Variants in DCAF10 observed in about 807,000 individuals in gnomAD.
DCAF10 encodes the protein DDB1 and CUL4 associated factor 10, also known as DDB1- and CUL4-associated factor 10.
A neutral mutation model predicts 51.9 loss-of-function variants in DCAF10; 19 were observed. That is an observed-to-expected ratio of 0.37 (90% CI 0.26 to 0.54). The LOEUF (loss-of-function observed/expected upper bound fraction) is 0.54. Among genes scored for constraint, DCAF10 ranks in the 20% least tolerant of loss-of-function variants. The probability of loss-of-function intolerance (pLI) is 0.87; values close to 1 mark genes in which losing one functional copy is unlikely to be tolerated. For missense variants in DCAF10, 510 were observed against 730.6 expected (o/e 0.70, Z 3.48); for synonymous variants, 291 against 297.1 (o/e 0.98, Z 0.21).
intron 3 of DCAF10, among the ~76,000 whole-genome samples, chr9:37,853,197 A>G (rs1421830361): frequency 6.7e-6 from 1 of 150,346 alleles, no homozygotes; most frequent in African/African-American, 2.4e-5. Flanking sequence ...AAGCGAGAGC[A>G]TTTACCTCAA....
intron 1 of DCAF10, among the ~76,000 whole-genome samples, chr9:37,814,945 A>G (rs1167318484): frequency 6.6e-6 from 1 of 152,224 alleles, no homozygotes; most frequent in African/African-American, 2.4e-5. Flanking sequence ...GCTGAAGAAT[A>G]AAGATAGAAA....
intron 3 of DCAF10, among the ~76,000 whole-genome samples, chr9:37,853,025 T>C (rs964578195): frequency 1.7e-4 from 25 of 148,138 alleles, no homozygotes; most frequent in Non-Finnish European, 3.0e-4. Context: ...ATGTACACCA[T>C]TAAAAAATTT....
At chr9:37,813,000 T>C (rs956648223) in intron 1 of DCAF10, among the ~76,000 whole-genome samples, 2 of 152,178 alleles carry the variant, frequency 1.3e-5, no homozygotes, top group African/African-American at 4.8e-5. Context: ...TACTTCACTT[T>C]AAAAAGTTGA....
Position 37,861,154 on chromosome 9 carries a change from T to C in DCAF10, c.1326T>C (p.Tyr442=), listed in dbSNP as rs1831003247. The C allele has an allele frequency of 6.2e-7, 1 of 1,601,834 alleles. No individual in the cohort carries two copies. Among genetic ancestry groups the C allele is most frequent in the Non-Finnish European group, 8.5e-7 (1 of 1,169,618 alleles). ...NSDDEECTCV[Y]EFQEGAPVRP... is the part of the protein sequence containing the mutation. ...TCTCCCCCTAGTGTACTTGTGTCTATGAATTCCAAGAAGGAGCTCCAGTGC... is the reference window on the plus strand; with the variant it reads ...TCTCCCCCTAGTGTACTTGTGTCTACGAATTCCAAGAAGGAGCTCCAGTGC... Residue 442 remains tyrosine (Y), a synonymous_variant, in exon 7 of 7, where the codon TAT becomes TAC. Coordinates refer to ENST00000377724, the MANE Select transcript of DCAF10 (RefSeq NM_024345.5). This position sits in a 1 kb window ranked among gnomAD's most constrained non-coding sequence, Gnocchi z 4.9.
At chr9:37,824,554 TA>T (rs376501048) in intron 2 of DCAF10, among the ~76,000 whole-genome samples, 19,322 of 139,980 alleles carry the variant, frequency 0.14, 1,390 homozygotes, top group Non-Finnish European at 0.17. Flanking sequence ...TTTAAAAAAG[TA>T]AAAAAAAAAA....
chr9:37,839,970 G>A (rs1173556321), intron 2 of DCAF10, among the ~76,000 whole-genome samples: 3 of 152,120 alleles, frequency 2.0e-5, no homozygotes, highest in Non-Finnish European at 2.9e-5. Flanking sequence ...TGTCTTCAGG[G>A]AGTTTACAGT....
In DCAF10 at chr9:37,812,792, G is replaced by T. The variant is rs183696867; in HGVS notation, c.540-6496G>T. Reference sequence around the variant, plus strand: ...GGGACCACAGGCACACGCCAGCATGGCTGGCTAATTTTTTTATTTTTTGTA... The same window carrying T: ...GGGACCACAGGCACACGCCAGCATGTCTGGCTAATTTTTTTATTTTTTGTA... On this transcript the variant is annotated intron_variant, in intron 1 of 6. Transcript: ENST00000377724. Among the ~76,000 whole-genome samples the T allele has an allele frequency of 5.4e-3, 824 of 152,110 alleles. 7 individuals carry two copies. Among genetic ancestry groups the T allele is most frequent in the South Asian group, 0.024 (114 of 4,824 alleles).
Position 37,861,534 on chromosome 9 carries a change from T to G in DCAF10, c.*26T>G, listed in dbSNP as rs756147984. The stretch of plus-strand genomic sequence containing the variant: ...GCACAACTTACATCAAATAAGGAAC[T>G]CTTCTGGTGTTTGACTTAGGAATTG... On this transcript the variant is annotated 3_prime_UTR_variant, in exon 7 of 7. Coordinates refer to ENST00000377724, the MANE Select transcript of DCAF10 (RefSeq NM_024345.5). The surrounding 1 kb of genome is among the most constrained non-coding windows in gnomAD (Gnocchi z 4.9). 6 of 1,573,532 alleles carry G rather than the reference T, an allele frequency of 3.8e-6. No homozygotes were observed. The Admixed American group carries it at 1.1e-4, about 29-fold the overall frequency.
At chr9:37,838,063 A>G (rs141179969) in intron 2 of DCAF10, among the ~76,000 whole-genome samples, 220 of 152,298 alleles carry the variant, frequency 1.4e-3, no homozygotes, top group African/African-American at 5.1e-3. Flanking sequence ...GGAAGAAAAC[A>G]TAAACCATAT....
At chr9:37,826,911 T>C (rs765519761) in intron 2 of DCAF10, among the ~76,000 whole-genome samples, 4 of 148,680 alleles carry the variant, frequency 2.7e-5, no homozygotes, top group African/African-American at 5.0e-5. Context: ...CCACAACCTC[T>C]GCCTTCCAGG....
chr9:37,824,185 G>A (rs1300323477), intron 2 of DCAF10, among the ~76,000 whole-genome samples: 1 of 152,086 alleles, frequency 6.6e-6, no homozygotes. Context: ...CCAGTCATTA[G>A]AGCACATCTT....
intron 2 of DCAF10, among the ~76,000 whole-genome samples, chr9:37,833,832 G>C (rs1028636117): frequency 6.6e-6 from 1 of 152,134 alleles, no homozygotes; most frequent in Admixed American, 6.5e-5. Context: ...TTTGTCTAAC[G>C]CTACATTCTC....
chr9:37,831,203 C>T (rs979187564), intron 2 of DCAF10, among the ~76,000 whole-genome samples: 2 of 151,648 alleles, frequency 1.3e-5, no homozygotes, highest in African/African-American at 2.4e-5. Context: ...GGCGATAGAG[C>T]GAGACTCTGT....
chr9:37,860,342 T>C (rs1325272400), intron 6 of DCAF10, 149 bp downstream of exon 6: 2 of 1,008,744 alleles, frequency 2.0e-6, no homozygotes, highest in African/African-American at 1.6e-5. Context: ...CCTGTTTCTG[T>C]CCTCTCTTGC....
chr9:37,834,788 C>G (rs1830103354), intron 2 of DCAF10, among the ~76,000 whole-genome samples: 1 of 135,012 alleles, frequency 7.4e-6, no homozygotes. Flanking sequence ...TTTTCTCAAT[C>G]ACGTACTTTT....
At chr9:37,818,570 G>T (rs528755479) in intron 1 of DCAF10, among the ~76,000 whole-genome samples, 2 of 152,212 alleles carry the variant, frequency 1.3e-5, no homozygotes, top group African/African-American at 4.8e-5. Flanking sequence ...CTTTGCAGTG[G>T]GGAAGGCCTG....
chr9:37,852,572 T>G (rs1162091114), intron 3 of DCAF10, among the ~76,000 whole-genome samples: 1 of 151,764 alleles, frequency 6.6e-6, no homozygotes. Context: ...CACCCCAGCC[T>G]GGGCAACAGA....
At chr9:37,809,921 C>T (rs544020744) in intron 1 of DCAF10, among the ~76,000 whole-genome samples, 3 of 152,096 alleles carry the variant, frequency 2.0e-5, no homozygotes, top group African/African-American at 4.8e-5. Flanking sequence ...GAGGCCAAGG[C>T]GGCTGGATCA....
intron 4 of DCAF10, 122 bp from the exon 5 acceptor site, chr9:37,857,119 C>A: frequency 1.5e-6 from 1 of 648,010 alleles, no homozygotes. Flanking sequence ...GTCTTATAGG[C>A]CAGTGATATA....
Sources: gnomAD v4.1 joint callset for allele counts (sites outside exome capture counted in the v4.1 genomes callset) on GRCh38, gnomAD v4.1.1 for gene constraint, Gnocchi (gnomAD v3.1) non-coding constraint, MANE v1.5 for transcripts, NCBI Gene and HGNC (gene_info 2026-07-23, HGNC 2026-07-21) for gene names.